Variants in SDK1 observed in about 807,000 individuals in gnomAD.
SDK1 encodes protein sidekick-1.
A neutral mutation model predicts 245.5 loss-of-function variants in SDK1; 157 were observed. That is an observed-to-expected ratio of 0.64 (90% CI 0.56 to 0.73). The LOEUF is 0.73. Ranked by LOEUF, SDK1 falls within the 30% of genes least tolerant of loss-of-function variation. The pLI is 0.00. For synonymous variants in SDK1, 1,647 were observed against 1,278.5 expected, an observed-to-expected ratio of 1.29 and a Z score of -6.15; for missense variants, 3,583 against 3,002.3, an observed-to-expected ratio of 1.19 and a Z score of -4.52.
intron 1 of SDK1, among the ~76,000 whole-genome samples, chr7:3,539,293 TAGAG>T (rs551991233): frequency 3.5e-4 from 53 of 152,228 alleles, no homozygotes; most frequent in Middle Eastern, 3.4e-3. Context: ...CAAAACTAGA[TAGAG>T]AGAGTTGGTG....
At chr7:4,224,147 C>T (rs796376629) in intron 40 of SDK1, among the ~76,000 whole-genome samples, 6 of 152,318 alleles carry the variant, frequency 3.9e-5, no homozygotes, top group South Asian at 2.1e-4. Flanking sequence ...TCCAGGTGAT[C>T]GTAGGCATTA....
At chr7:3,628,776 G>A (rs1343666077) in intron 2 of SDK1, among the ~76,000 whole-genome samples, 2 of 152,146 alleles carry the variant, frequency 1.3e-5, no homozygotes, top group Non-Finnish European at 2.9e-5. Flanking sequence ...TTGTTTTCAA[G>A]ACATTGGATA....
At chr7:3,790,733 G>T (rs1781055668) in intron 4 of SDK1, among the ~76,000 whole-genome samples, 1 of 152,148 alleles carries the variant, frequency 6.6e-6, no homozygotes, top group East Asian at 1.9e-4. Context: ...TTGAACCCGG[G>T]AGGCAGAGGT....
chr7:3,378,903 T>C (rs1251116122), intron 1 of SDK1, among the ~76,000 whole-genome samples: 2 of 151,672 alleles, frequency 1.3e-5, no homozygotes, highest in South Asian at 4.2e-4. Flanking sequence ...CATCGGAGAG[T>C]TGCATGCATG....
chr7:3,594,742 A>T (rs567997812), intron 1 of SDK1, among the ~76,000 whole-genome samples: 1 of 152,190 alleles, frequency 6.6e-6, no homozygotes, highest in South Asian at 2.1e-4. Context: ...TAAATATACT[A>T]TTGATTGTAA....
Position 3,709,382 on chromosome 7 carries a change from C to T in SDK1, c.713+67277C>T, listed in dbSNP as rs75849173. 3.8e-3 allele frequency among the ~76,000 whole-genome samples: 585 copies of T among 152,328 alleles called. 3 individuals are homozygous for T. Among genetic ancestry groups the T allele is most frequent in the African/African-American group, 0.012 (507 of 41,584 alleles). On this transcript the variant is annotated intron_variant, in intron 4 of 44. Transcript: ENST00000404826. ...CATGCATGCAAGGCCCTTCCTTCTG[C>T]TGCTCCTACTTAATATTCCCCACCC...
intron 40 of SDK1, 135 bp from the exon 41 acceptor site, chr7:4,233,120 A>C: frequency 1.4e-6 from 1 of 735,416 alleles, no homozygotes; most frequent in Admixed American, 2.5e-5. Context: ...CCCATTCAGC[A>C]CTCACTCCGC....
intron 4 of SDK1, among the ~76,000 whole-genome samples, chr7:3,818,637 C>T (rs1435477325): frequency 6.6e-6 from 1 of 152,180 alleles, no homozygotes; most frequent in Non-Finnish European, 1.5e-5. Context: ...TTTCTAGTGA[C>T]AGCAGCCCTA....
At chr7:3,902,050 A>C (rs1352656738) in intron 5 of SDK1, among the ~76,000 whole-genome samples, 1 of 152,062 alleles carries the variant, frequency 6.6e-6, no homozygotes, top group Non-Finnish European at 1.5e-5. Context: ...TTCCTGCCCC[A>C]GCCCTGGAAT....
At chr7:4,203,742 T>G (rs1218176895) in intron 35 of SDK1, among the ~76,000 whole-genome samples, 1 of 152,188 alleles carries the variant, frequency 6.6e-6, no homozygotes, top group African/African-American at 2.4e-5. Flanking sequence ...CCAGCGGCTT[T>G]CAGGAGCAAA....
At chr7:3,338,909 CAGA>C (rs1780273787) in intron 1 of SDK1, among the ~76,000 whole-genome samples, 1 of 152,020 alleles carries the variant, frequency 6.6e-6, no homozygotes, top group Non-Finnish European at 1.5e-5. Flanking sequence ...AAAGGAGAAA[CAGA>C]AGAAACAAAA....
chr7:4,234,285 G>A (rs1045047804), intron 41 of SDK1, among the ~76,000 whole-genome samples: 4 of 152,202 alleles, frequency 2.6e-5, no homozygotes, highest in African/African-American at 7.2e-5. Context: ...GTGAGGTACC[G>A]CAGGCTCCAG....
intron 4 of SDK1, among the ~76,000 whole-genome samples, chr7:3,717,191 C>T (rs146565387): frequency 6.6e-6 from 1 of 152,200 alleles, no homozygotes; most frequent in Non-Finnish European, 1.5e-5. Context: ...CGAAATAGAC[C>T]ATATCCTGGT....
chr7:3,476,526 C>T (rs192587023), intron 1 of SDK1, among the ~76,000 whole-genome samples: 149 of 152,258 alleles, frequency 9.8e-4, no homozygotes, highest in African/African-American at 3.3e-3. Context: ...TACCTTATTA[C>T]CAAAAAGTTT....
intron 17 of SDK1, among the ~76,000 whole-genome samples, chr7:4,033,057 A>G (rs560924537): frequency 6.6e-6 from 1 of 152,250 alleles, no homozygotes; most frequent in East Asian, 1.9e-4. Context: ...TCCTTTAGGT[A>G]TTAAAACATA....
intron 4 of SDK1, among the ~76,000 whole-genome samples, chr7:3,697,762 A>C (rs550225920): frequency 6.6e-6 from 1 of 152,248 alleles, no homozygotes; most frequent in Admixed American, 6.5e-5. Flanking sequence ...CAGTATTTCT[A>C]TGTGGTAATG....
chr7:3,955,285 C>T (rs1334521615), intron 7 of SDK1, among the ~76,000 whole-genome samples: 1 of 152,202 alleles, frequency 6.6e-6, no homozygotes, highest in African/African-American at 2.4e-5. Flanking sequence ...TCCCCTGCAT[C>T]CCTGGCTCAT....
chr7:3,564,363 C>G (rs1407194829), intron 1 of SDK1, among the ~76,000 whole-genome samples: 1 of 152,040 alleles, frequency 6.6e-6, no homozygotes, highest in Non-Finnish European at 1.5e-5. Flanking sequence ...ATGCTGGCAC[C>G]TGTAGTCCCA....
rs1376016303 is a variant in SDK1, at chr7:3,364,138, G to GT, written c.298+62259dup. Among the ~76,000 whole-genome samples the GT allele has an allele frequency of 2.6e-5, 4 of 152,158 alleles. 1 individual carries two copies. In the South Asian group the frequency reaches 6.2e-4, roughly 24 times the overall value. ...CTTTTATCCATTTTCTAACTGGATC[G>GT]TTTTTCACTGTTGAATTTTAAGAGT... On this transcript the variant is annotated intron_variant, in intron 1 of 44. Transcript: ENST00000404826.
Sources: allele counts gnomAD v4.1 joint callset (sites outside exome capture counted in the v4.1 genomes callset), GRCh38; gene constraint gnomAD v4.1.1; transcripts MANE v1.5; gene names NCBI Gene and HGNC (gene_info 2026-07-23, HGNC 2026-07-21).